CC2D1A: variants seen among roughly 807,000 people sequenced by gnomAD.
CC2D1A encodes the protein coiled-coil and C2 domain containing 1A.
Under a neutral mutation model 123.8 loss-of-function variants are expected in CC2D1A, and 68 were observed. The observed-to-expected ratio is 0.55, with a 90% confidence interval of 0.45 to 0.67. The LOEUF is 0.67. Among genes scored for constraint, CC2D1A ranks in the 30% least tolerant of loss-of-function variants. The pLI, the probability that CC2D1A is intolerant of heterozygous loss-of-function variation, is 0.00. For synonymous variants in CC2D1A, 477 were observed against 528.0 expected (o/e 0.90, Z 1.32); for missense variants, 1,185 against 1,290.3 (o/e 0.92, Z 1.25).
chr19:13,908,232 A>G (rs1599375291), intron 1 of CC2D1A, among the ~76,000 whole-genome samples: 1 of 150,720 alleles, frequency 6.6e-6, no homozygotes, highest in Non-Finnish European at 1.5e-5. Flanking sequence ...TCTGTCTCGA[A>G]CTCCCCATCT....
chr19:13,923,537 T>C lies in CC2D1A; in HGVS notation c.1765-11T>C. Reference sequence around the variant, plus strand: ...TCCCTTCCCTCGACTCACTGCCTTCTGTTTCCCCAGATGTGCCTGAACCAC... The same window carrying C: ...TCCCTTCCCTCGACTCACTGCCTTCCGTTTCCCCAGATGTGCCTGAACCAC... On this transcript the variant is annotated splice_polypyrimidine_tract_variant and intron_variant, in intron 15 of 28. Coordinates refer to ENST00000318003, the MANE Select transcript of CC2D1A (RefSeq NM_017721.5). The surrounding 1 kb of genome is among the most constrained non-coding windows in gnomAD (Gnocchi z 5.3). 1.9e-6 allele frequency: 3 copies of C among 1,614,088 alleles called. No homozygotes were observed. Among genetic ancestry groups the C allele is most frequent in the South Asian group, 1.1e-5 (1 of 91,086 alleles).
At chr19:13,911,546 T>G (rs57368915) in intron 2 of CC2D1A, among the ~76,000 whole-genome samples, 104 of 105,514 alleles carry the variant, frequency 9.9e-4, no homozygotes, top group African/African-American at 4.5e-3. Flanking sequence ...TGTGTGTGTG[T>G]TTTTTTTTTT....
intron 6 of CC2D1A, among the ~76,000 whole-genome samples, chr19:13,916,500 G>C (rs1452306137): frequency 6.6e-6 from 1 of 152,082 alleles, no homozygotes; most frequent in Non-Finnish European, 1.5e-5. Flanking sequence ...GAAGGTTGAG[G>C]CTGAAGTGAG....
intron 10 of CC2D1A, 40 bp from the exon 11 acceptor site, chr19:13,919,090 G>A (rs1971312308): frequency 6.2e-7 from 1 of 1,603,586 alleles, no homozygotes; most frequent in Non-Finnish European, 8.5e-7. Context: ...CAGCCCGGGA[G>A]CCCTCCCACA....
chr19:13,913,739 T>C, intron 6 of CC2D1A, 101 bp downstream of exon 6: 1 of 874,868 alleles, frequency 1.1e-6, no homozygotes, highest in Non-Finnish European at 1.7e-6. Flanking sequence ...TGTGAGATAT[T>C]TTCAACACCC....
At position 13,930,529 on chromosome 19, in the gene CC2D1A, CCCAGCCCCG is replaced by C. The variant is rs1971871909; in HGVS notation, c.*139_*147del. The C allele has an allele frequency of 9.8e-7, 1 of 1,022,690 alleles. No homozygotes were observed. Among genetic ancestry groups the C allele is most frequent in the African/African-American group, 1.6e-5 (1 of 61,674 alleles). 63.4% of individuals were successfully genotyped at this position (1,022,690 alleles called of 1,614,324 possible). Reference sequence around the variant, plus strand: ...TCTGGACTCACCCCTCATCCGGGCCCCCAGCCCCGCCAGAGCCTCCGTGGCTGCGGGTGT... The same window carrying C: ...TCTGGACTCACCCCTCATCCGGGCCCCCAGAGCCTCCGTGGCTGCGGGTGT... On this transcript the variant is annotated 3_prime_UTR_variant, in exon 29 of 29. Coordinates refer to ENST00000318003, the MANE Select transcript of CC2D1A (RefSeq NM_017721.5). This position sits in a 1 kb window ranked among gnomAD's most constrained non-coding sequence, Gnocchi z 6.8.
chr19:13,918,472 C>T lies in CC2D1A; in HGVS notation c.874-32C>T, dbSNP rs369831348. The stretch of plus-strand genomic sequence containing the variant: ...ACAGGGTCCAAGCCCCCAACTGCAC[C>T]TCTTCTTCTAATCTCCTCTTCCTTC... On this transcript the variant is annotated intron_variant, in intron 7 of 28. Coordinates refer to ENST00000318003, the MANE Select transcript of CC2D1A (RefSeq NM_017721.5). The T allele has an allele frequency of 1.3e-4, 201 of 1,603,674 alleles. No homozygotes were observed. The African/African-American group carries it at 2.2e-3, about 17-fold the overall frequency.
intron 1 of CC2D1A, among the ~76,000 whole-genome samples, chr19:13,907,431 T>G (rs996467502): frequency 6.6e-6 from 1 of 151,642 alleles, no homozygotes; most frequent in Non-Finnish European, 1.5e-5. Context: ...GATAAAAAAT[T>G]AAAAATGGAA....
rs537472455 is a variant in CC2D1A, at chr19:13,913,358, C to A, written c.514-46C>A. The A allele has an allele frequency of 6.2e-6, 10 of 1,608,178 alleles. No homozygotes were observed. In the South Asian group the frequency reaches 1.1e-4, roughly 18 times the overall value. ...CCCCCGCCAACCCCGATGCCCTGCACCAAGCTCTTGGCTTCTCCCAAACCA... is the reference window on the plus strand; with the variant it reads ...CCCCCGCCAACCCCGATGCCCTGCAACAAGCTCTTGGCTTCTCCCAAACCA... On this transcript the variant is annotated intron_variant, in intron 5 of 28. Coordinates refer to ENST00000318003, the MANE Select transcript of CC2D1A (RefSeq NM_017721.5).
intron 1 of CC2D1A, among the ~76,000 whole-genome samples, chr19:13,908,352 G>T (rs1970868798): frequency 6.6e-6 from 1 of 152,014 alleles, no homozygotes; most frequent in African/African-American, 2.4e-5. Context: ...CACCATGTTG[G>T]CCAGGCTAGT....
chr19:13,922,151 G>T (rs534231170), intron 14 of CC2D1A, among the ~76,000 whole-genome samples: 2 of 152,116 alleles, frequency 1.3e-5, no homozygotes, highest in African/African-American at 4.8e-5. Context: ...ACAGGCACAC[G>T]CCACCATGCC....
In CC2D1A at chr19:13,930,180, C is replaced by T; in HGVS notation, c.2787+26C>T. On this transcript the variant is annotated intron_variant, in intron 27 of 28. Transcript: ENST00000318003. This position sits in a 1 kb window ranked among gnomAD's most constrained non-coding sequence, Gnocchi z 6.8. ...GTGAGCTGGTCGCGGGCCGGGTGGGCACTGGGCAGCGGGCAGGGTGGGGCC... is the reference window on the plus strand; with the variant it reads ...GTGAGCTGGTCGCGGGCCGGGTGGGTACTGGGCAGCGGGCAGGGTGGGGCC... 6.2e-7 allele frequency: 1 copy of T among 1,613,076 alleles called. No individual in the cohort carries two copies. The highest frequency in any genetic ancestry group is 8.5e-7 in the Non-Finnish European group (1 of 1,179,462).
chr19:13,930,458 G>T lies in CC2D1A; in HGVS notation c.*63G>T. 15 of 1,506,386 alleles carry T rather than the reference G, an allele frequency of 1.0e-5. No individual in the cohort carries two copies. The highest frequency in any genetic ancestry group is 1.3e-5 in the Non-Finnish European group (15 of 1,122,530). The allele number at this position is 1,506,386 out of a possible 1,614,324, so 93.3% of individuals were successfully genotyped here. On this transcript the variant is annotated 3_prime_UTR_variant, in exon 29 of 29. Transcript: ENST00000318003. This position sits in a 1 kb window ranked among gnomAD's most constrained non-coding sequence, Gnocchi z 6.8. ...GCAGGCCCCGATACCGGGAAGAGCC[G>T]ACACAGCCACGAACCAGACAAGCAG...
Position 13,917,835 on chromosome 19 carries a change from C to T in CC2D1A, c.749-235C>T, listed in dbSNP as rs775154875. 2.6e-5 allele frequency among the ~76,000 whole-genome samples: 4 copies of T among 151,960 alleles called. No homozygotes were observed. In the East Asian group the frequency reaches 5.8e-4, roughly 22 times the overall value. On this transcript the variant is annotated intron_variant, in intron 6 of 28. Coordinates refer to ENST00000318003, the MANE Select transcript of CC2D1A (RefSeq NM_017721.5). ...CTCTACTAAAAACATAAAAATTAGC[C>T]GGGCATGTGCCTGTAATCCCAGCTA...
chr19:13,912,483 A>G, intron 3 of CC2D1A, 45 bp downstream of exon 3: 1 of 1,614,066 alleles, frequency 6.2e-7, no homozygotes, highest in Non-Finnish European at 8.5e-7. Context: ...GGTTGCCCCC[A>G]TCCAGCAGGC....
rs368159718 is a variant in CC2D1A, at chr19:13,930,374, G to T, written c.2836-1G>T. On this transcript the variant is annotated splice_acceptor_variant, in intron 28 of 28. Coordinates refer to ENST00000318003, the MANE Select transcript of CC2D1A (RefSeq NM_017721.5). LOFTEE classifies it high-confidence loss of function. The surrounding 1 kb of genome is among the most constrained non-coding windows in gnomAD (Gnocchi z 6.8). ...GACCCCAGTGGCCTCCTCTCCCCCA[G>T]CTGCAGCGGCTCCGCAGGTGAGGAG... 6.2e-7 allele frequency: 1 copy of T among 1,613,088 alleles called. No individual in the cohort carries two copies. Among genetic ancestry groups the T allele is most frequent in the Non-Finnish European group, 8.5e-7 (1 of 1,179,500 alleles).
In CC2D1A at chr19:13,918,933, C is replaced by A; in HGVS notation, c.1040C>A (p.Thr347Asn). The change falls in exon 10 of 29, where the codon ACC becomes AAC. Residue 347 changes from threonine to asparagine, a missense_variant. Coordinates refer to ENST00000318003, the MANE Select transcript of CC2D1A (RefSeq NM_017721.5). ...STTEVPPPPR[T>N]LLEALEQRME... is the part of the protein sequence containing the mutation. ...CCAGAGGTGCCCCCACCCCCGAGGA[C>A]CCTGCTGGAGGCGCTGGAGCAGCGG... 1 of 1,610,968 alleles carries A rather than the reference C, an allele frequency of 6.2e-7. No individual in the cohort carries two copies. The highest frequency in any genetic ancestry group is 8.5e-7 in the Non-Finnish European group (1 of 1,178,306).
Position 13,927,927 on chromosome 19 carries a change from T to C in CC2D1A, c.2351T>C (p.Leu784Pro). Residue 784 changes from leucine to proline, a missense_variant, in exon 23 of 29, where the codon CTG becomes CCG. Transcript: ENST00000318003. Reference protein sequence around the residue: ...LDGRRPTGGRLEVMVRIREPL... With the variant: ...LDGRRPTGGRPEVMVRIREPL... ...GGTCGCCGGCCCACAGGGGGGCGAC[T>C]GGAGGTAATGGTCCGGATTCGGGAG... 1 of 1,613,554 alleles carries C rather than the reference T, an allele frequency of 6.2e-7. No individual in the cohort carries two copies. The highest frequency in any genetic ancestry group is 8.5e-7 in the Non-Finnish European group (1 of 1,179,964).
rs1208972624 is a variant in CC2D1A at position 13,927,279 on chromosome 19, A to G, written c.2316+14A>G. ...GAGATCCTTGAGGTGAGAGGTGGAC[A>G]TTCATCCGCGTGCTCCGGTATGGCC... On this transcript the variant is annotated intron_variant, in intron 22 of 28. Transcript: ENST00000318003. The G allele has an allele frequency of 5.6e-6, 9 of 1,603,202 alleles. No individual in the cohort carries two copies. The highest frequency in any genetic ancestry group is 6.8e-6 in the Non-Finnish European group (8 of 1,170,252).
Sources: gnomAD v4.1 joint callset for allele counts (sites outside exome capture counted in the v4.1 genomes callset) on GRCh38, gnomAD v4.1.1 for gene constraint, Gnocchi (gnomAD v3.1) non-coding constraint, MANE v1.5 for transcripts, NCBI Gene and HGNC (gene_info 2026-07-23, HGNC 2026-07-21) for gene names.